The following DYM variants were observed in gnomAD, a reference collection of about 807,000 sequenced individuals.
DYM encodes dyggve-Melchior-Clausen syndrome protein.
In DYM, 78 loss-of-function variants were observed where a neutral mutation model predicts 93.1. That is an observed-to-expected ratio of 0.84 (90% CI 0.70 to 1.01). DYM has a LOEUF of 1.01. Among genes scored for constraint, DYM ranks in the 50% least tolerant of loss-of-function variants. The pLI is 0.00. For synonymous variants in DYM, 321 were observed against 319.7 expected, an observed-to-expected ratio of 1.00 and a Z score of -0.04; for missense variants, 789 against 845.0, an observed-to-expected ratio of 0.93 and a Z score of 0.82.
intron 16 of DYM, among the ~76,000 whole-genome samples, chr18:49,107,678 C>T (rs184079035): frequency 1.8e-3 from 278 of 152,310 alleles, no homozygotes; most frequent in African/African-American, 6.0e-3. Flanking sequence ...CCACTCCAGA[C>T]GCTGTTTGCC....
At chr18:49,309,139 T>C (rs1377123511) in intron 8 of DYM, among the ~76,000 whole-genome samples, 1 of 151,140 alleles carries the variant, frequency 6.6e-6, no homozygotes, top group Non-Finnish European at 1.5e-5. Flanking sequence ...ATAATTTAAA[T>C]ATCTATGAAA....
intron 6 of DYM, among the ~76,000 whole-genome samples, chr18:49,334,551 C>T (rs1019158439): frequency 3.9e-5 from 6 of 152,090 alleles, no homozygotes; most frequent in Non-Finnish European, 8.8e-5. Context: ...TTTCCAGTTA[C>T]TGCAAAAGTT....
At chr18:49,399,436 A>T (rs1256068503) in intron 2 of DYM, among the ~76,000 whole-genome samples, 1 of 152,078 alleles carries the variant, frequency 6.6e-6, no homozygotes, top group Non-Finnish European at 1.5e-5. Flanking sequence ...CTGGAATACC[A>T]AGTTCAGTCT....
chr18:49,454,794 G>T (rs1018234163), intron 1 of DYM, among the ~76,000 whole-genome samples: 3 of 151,000 alleles, frequency 2.0e-5, no homozygotes, highest in African/African-American at 7.3e-5. Context: ...TGTAGTCCCA[G>T]CTACTCAGGA....
At chr18:49,079,764 C>G (rs2077636080) in intron 17 of DYM, among the ~76,000 whole-genome samples, 1 of 151,920 alleles carries the variant, frequency 6.6e-6, no homozygotes. Context: ...AAGAATTTAT[C>G]TTAGTACAGA....
At chr18:49,058,467 G>A (rs1223129809) in intron 17 of DYM, among the ~76,000 whole-genome samples, 2 of 151,996 alleles carry the variant, frequency 1.3e-5, no homozygotes, top group African/African-American at 2.4e-5. Flanking sequence ...CCACAGGTCT[G>A]CACCACCATG....
chr18:49,209,780 A>G, intron 13 of DYM, 65 bp from the exon 14 acceptor site: 2 of 1,078,866 alleles, frequency 1.9e-6, no homozygotes, highest in Non-Finnish European at 2.3e-6. Context: ...AAAATAAATC[A>G]TTTTTTATGT....
chr18:49,424,988 A>C (rs1354780715), intron 2 of DYM, among the ~76,000 whole-genome samples: 1 of 152,180 alleles, frequency 6.6e-6, no homozygotes, highest in Non-Finnish European at 1.5e-5. Flanking sequence ...TTGTAGATTC[A>C]ATGCCATCCC....
At chr18:49,121,410 T>C (rs1007858207) in intron 15 of DYM, among the ~76,000 whole-genome samples, 4 of 151,798 alleles carry the variant, frequency 2.6e-5, no homozygotes, top group Non-Finnish European at 5.9e-5. Flanking sequence ...TGTAAAATAA[T>C]AAGAAATGCA....
Position 49,304,088 on chromosome 18 carries a change from G to C in DYM, c.764-17472C>G, listed in dbSNP as rs190569078. On this transcript the variant is annotated intron_variant, in intron 8 of 17. Coordinates refer to ENST00000675505, the MANE Select transcript of DYM (RefSeq NM_001353214.3). ...CATAGTCTTCAACTGATGCACGCTA[G>C]CTTTTTCAATTATAAGTTTCTATTA... 5.9e-5 allele frequency among the ~76,000 whole-genome samples: 9 copies of C among 152,302 alleles called. No individual in the cohort carries two copies. In the East Asian group the frequency reaches 1.5e-3, roughly 26 times the overall value.
chr18:49,326,203 T>C (rs1223504520), intron 8 of DYM, among the ~76,000 whole-genome samples: 1 of 152,200 alleles, frequency 6.6e-6, no homozygotes, highest in South Asian at 2.1e-4. Context: ...AAAAAGTTCA[T>C]TTAAAAATAC....
At chr18:49,219,272 C>T (rs1026029657) in intron 13 of DYM, among the ~76,000 whole-genome samples, 1 of 152,128 alleles carries the variant, frequency 6.6e-6, no homozygotes, top group Non-Finnish European at 1.5e-5. Context: ...CAATAGCTTA[C>T]CAACCAAAAA....
intron 16 of DYM, among the ~76,000 whole-genome samples, chr18:49,109,950 T>G (rs868204430): frequency 6.6e-6 from 1 of 152,324 alleles, no homozygotes. Flanking sequence ...CTGACACACA[T>G]CTTACTTTTA....
Position 49,037,800 on chromosome 18 carries a change from A to ATT in DYM, c.*6253_*6254dup, listed in dbSNP as rs984982570. Among the ~76,000 whole-genome samples the ATT allele has an allele frequency of 1.3e-5, 2 of 152,146 alleles. No individual in the cohort carries two copies. Among genetic ancestry groups the ATT allele is most frequent in the African/African-American group, 4.8e-5 (2 of 41,438 alleles). Reference sequence around the variant, plus strand: ...TGATTCTATTATGGTCAGAGAACATATTTCATTTGAAGTATTTTCAGGTTT... The same window carrying ATT: ...TGATTCTATTATGGTCAGAGAACATATTTTTCATTTGAAGTATTTTCAGGTTT... On this transcript the variant is annotated 3_prime_UTR_variant, in exon 18 of 18. Transcript: ENST00000675505.
chr18:49,300,146 C>T (rs1447248657), intron 8 of DYM, among the ~76,000 whole-genome samples: 1 of 147,190 alleles, frequency 6.8e-6, no homozygotes, highest in Non-Finnish European at 1.5e-5. Flanking sequence ...ATTCTTTCTC[C>T]ATATAAAAAT....
chr18:49,152,158 A>AT, intron 15 of DYM, among the ~76,000 whole-genome samples: 1 of 152,332 alleles, frequency 6.6e-6, no homozygotes, highest in East Asian at 1.9e-4. Flanking sequence ...ACGAAGGAAC[A>AT]TAAAAGTTTT....
At chr18:49,319,502 T>C (rs192156985) in intron 8 of DYM, among the ~76,000 whole-genome samples, 101 of 152,216 alleles carry the variant, frequency 6.6e-4, no homozygotes, top group Non-Finnish European at 4.4e-5. Flanking sequence ...TTTGGAAAAC[T>C]AAAGAAATTG....
At chr18:49,354,564 A>G (rs913280080) in intron 6 of DYM, among the ~76,000 whole-genome samples, 2 of 152,192 alleles carry the variant, frequency 1.3e-5, no homozygotes, top group African/African-American at 4.8e-5. Flanking sequence ...GTTATCTAAA[A>G]TATACAAAGA....
intron 15 of DYM, among the ~76,000 whole-genome samples, chr18:49,142,898 G>A (rs2084681616): frequency 6.6e-6 from 1 of 152,110 alleles, no homozygotes; most frequent in Non-Finnish European, 1.5e-5. Context: ...GTTTAAAATT[G>A]AGAAAATAGA....
Sources: allele counts gnomAD v4.1 joint callset (sites outside exome capture counted in the v4.1 genomes callset), GRCh38; gene constraint gnomAD v4.1.1; transcripts MANE v1.5; gene names NCBI Gene and HGNC (gene_info 2026-07-23, HGNC 2026-07-21).